Variants in TOR1AIP1 observed in about 807,000 individuals in gnomAD.
TOR1AIP1 encodes the protein torsin-1A-interacting protein 1.
Under a neutral mutation model 63.3 loss-of-function variants are expected in TOR1AIP1, and 54 were observed. The observed-to-expected ratio is 0.85, with a 90% CI of 0.69 to 1.07. TOR1AIP1 has a LOEUF of 1.07. Among genes scored for constraint, TOR1AIP1 ranks in the 50% least tolerant of loss-of-function variants. The pLI is 0.00. For missense variants in TOR1AIP1, 736 were observed against 715.0 expected (o/e 1.03, Z -0.33); for synonymous variants, 294 against 273.5 (o/e 1.07, Z -0.74).
intron 2 of TOR1AIP1, among the ~76,000 whole-genome samples, chr1:179,889,008 CTTAA>C (rs1359302052): frequency 6.6e-6 from 1 of 152,168 alleles, no homozygotes; most frequent in Non-Finnish European, 1.5e-5. Context: ...GATTTTGGTT[CTTAA>C]TTGAGCAATT....
At chr1:179,904,150 C>A in intron 6 of TOR1AIP1, 128 bp downstream of exon 6, 2 of 655,812 alleles carry the variant, frequency 3.0e-6, no homozygotes, top group Non-Finnish European at 5.0e-6. Flanking sequence ...TAAAAAAAAA[C>A]TTATCCGATA....
At chr1:179,883,708 C>G in intron 1 of TOR1AIP1, 1 of 456,228 alleles carries the variant, frequency 2.2e-6, no homozygotes, top group African/African-American at 2.0e-5. Flanking sequence ...ACCTGAAAAA[C>G]AAGACTATTA....
chr1:179,882,859 C>G lies in TOR1AIP1; in HGVS notation c.357C>G (p.Thr119=), dbSNP rs1366999572. Residue 119 remains threonine, a synonymous_variant, in exon 1 of 10, where the codon ACC becomes ACG. Coordinates refer to ENST00000606911, the MANE Select transcript of TOR1AIP1 (RefSeq NM_015602.4). ...RQRRQPRPQE[T]EEMKTRRTTR... is the part of the protein sequence containing the mutation. Reference sequence around the variant, plus strand: ...GGAGGCAGCCGCGACCCCAGGAAACCGAGGAAATGAAGACGCGAAGGACTA... The same window carrying G: ...GGAGGCAGCCGCGACCCCAGGAAACGGAGGAAATGAAGACGCGAAGGACTA... 2 of 1,614,214 alleles carry G rather than the reference C, an allele frequency of 1.2e-6. No individual in the cohort carries two copies. The highest frequency in any genetic ancestry group is 2.2e-5 in the South Asian group (2 of 91,084).
At chr1:179,912,132 C>G (rs995959798) in intron 8 of TOR1AIP1, among the ~76,000 whole-genome samples, 4 of 151,090 alleles carry the variant, frequency 2.6e-5, no homozygotes, top group African/African-American at 9.7e-5. Flanking sequence ...TCAAGCGATT[C>G]TCATTCATGC....
At chr1:179,915,708 A>G (rs1005234435) in intron 9 of TOR1AIP1, among the ~76,000 whole-genome samples, 1 of 152,200 alleles carries the variant, frequency 6.6e-6, no homozygotes, top group South Asian at 2.1e-4. Flanking sequence ...CAGTGAGCCA[A>G]GATCGCACCA....
chr1:179,882,603 C>A lies in TOR1AIP1; in HGVS notation c.101C>A (p.Pro34His), dbSNP rs771167764. The change falls in exon 1 of 10, where the codon CCT (proline) becomes CAT (histidine). Residue 34 changes from proline (P) to histidine (H), a missense_variant. By Grantham distance (77) the Pro-to-His change is moderately conservative. Transcript: ENST00000606911. Reference protein sequence around the residue: ...PIREGRGRLAPQNGGSSDAPA... With the variant: ...PIREGRGRLAHQNGGSSDAPA... ...CGAGAGGGAAGGGGCCGGCTCGCCC[C>A]TCAAAATGGCGGCAGCAGCGATGCG... is the stretch of plus-strand genomic sequence containing the variant. The A allele has an allele frequency of 9.8e-6, 15 of 1,528,286 alleles. No homozygotes were observed. The highest frequency in any genetic ancestry group is 1.8e-4 in the Middle Eastern group (1 of 5,560). The allele number at this position is 1,528,286 out of a possible 1,614,324, so 94.7% of individuals were successfully genotyped here.
At chr1:179,917,321 C>A in intron 9 of TOR1AIP1, 131 bp from the exon 10 acceptor site, 1 of 761,590 alleles carries the variant, frequency 1.3e-6, no homozygotes, top group Non-Finnish European at 2.1e-6. Flanking sequence ...AGAAAATTAT[C>A]AGCTTTCTTC....
At chr1:179,889,476 A>T in intron 3 of TOR1AIP1, 107 bp downstream of exon 3, 1 of 889,508 alleles carries the variant, frequency 1.1e-6, no homozygotes. Flanking sequence ...AGTTACTGTA[A>T]ATATACATTA....
At chr1:179,895,392 C>T (rs926821640) in intron 3 of TOR1AIP1, among the ~76,000 whole-genome samples, 3 of 152,054 alleles carry the variant, frequency 2.0e-5, no homozygotes, top group Non-Finnish European at 4.4e-5. Context: ...GCAGGTGGAT[C>T]GCTTGAACCC....
At chr1:179,896,460 A>G (rs1648270931) in intron 3 of TOR1AIP1, among the ~76,000 whole-genome samples, 1 of 110,710 alleles carries the variant, frequency 9.0e-6, no homozygotes, top group Non-Finnish European at 1.8e-5. Context: ...AAGTGCTAGG[A>G]TCATAAATAG....
At chr1:179,892,641 G>C (rs1178269631) in intron 3 of TOR1AIP1, among the ~76,000 whole-genome samples, 1 of 151,534 alleles carries the variant, frequency 6.6e-6, no homozygotes, top group Non-Finnish European at 1.5e-5. Flanking sequence ...GGGAGGCTGA[G>C]GCAGGAGAAT....
chr1:179,911,766 A>G (rs1268029608), intron 8 of TOR1AIP1, among the ~76,000 whole-genome samples: 2 of 152,178 alleles, frequency 1.3e-5, no homozygotes, highest in East Asian at 1.9e-4. Context: ...AGTAGTGCCT[A>G]TAACTAGATT....
chr1:179,911,732 C>G (rs1028868000), intron 8 of TOR1AIP1, among the ~76,000 whole-genome samples: 1 of 152,154 alleles, frequency 6.6e-6, no homozygotes, highest in Non-Finnish European at 1.5e-5. Context: ...CTTTGTGAAC[C>G]TCAATTTTCT....
chr1:179,912,064 G>A (rs1188883853), intron 8 of TOR1AIP1, among the ~76,000 whole-genome samples: 1 of 127,450 alleles, frequency 7.8e-6, no homozygotes, highest in Non-Finnish European at 1.6e-5. Context: ...TTGCTCTGTT[G>A]CCTAGGCTGG....
chr1:179,907,747 G>A, intron 6 of TOR1AIP1, 76 bp from the exon 7 acceptor site: 1 of 1,175,252 alleles, frequency 8.5e-7, no homozygotes. Flanking sequence ...CAGTAAACAA[G>A]CAAAATGTCT....
chr1:179,883,139 C>A, intron 1 of TOR1AIP1, 162 bp downstream of exon 1: 1 of 682,046 alleles, frequency 1.5e-6, no homozygotes, highest in Non-Finnish European at 2.5e-6. Context: ...GCAAGGGCCA[C>A]CCTGACCCGC....
chr1:179,919,801 T>C lies in TOR1AIP1; in HGVS notation c.*1562T>C, dbSNP rs1280982234. The C allele has an allele frequency of 6.6e-6, 1 of 152,230 alleles. No homozygotes were observed. Among genetic ancestry groups the C allele is most frequent in the Non-Finnish European group, 1.5e-5 (1 of 68,036 alleles). The allele number at this position is 152,230 out of a possible 1,614,324, so 9.4% of individuals were successfully genotyped here. On this transcript the variant is annotated 3_prime_UTR_variant, in exon 10 of 10. Coordinates refer to ENST00000606911, the MANE Select transcript of TOR1AIP1 (RefSeq NM_015602.4). Reference sequence around the variant, plus strand: ...CTCTAGTACTACCAGTATTCATAAATGTATACCCCTTACTGTAATTTGTTC... The same window carrying C: ...CTCTAGTACTACCAGTATTCATAAACGTATACCCCTTACTGTAATTTGTTC...
At chr1:179,903,511 CTTT>C (rs763903698) in intron 5 of TOR1AIP1, among the ~76,000 whole-genome samples, 1 of 141,686 alleles carries the variant, frequency 7.1e-6, no homozygotes, top group Admixed American at 7.1e-5. Context: ...CTTTTTTAAC[CTTT>C]TTTTTTTTTT....
chr1:179,882,532 G>A lies in TOR1AIP1; in HGVS notation c.30G>A (p.Ala10=), dbSNP rs376731014. The part of the protein sequence containing the change: MAGDGRRAE[A]VREGWGVYVT... ...CGGGCGACGGGCGGCGGGCAGAGGC[G>A]GTGCGGGAAGGATGGGGTGTGTACG... is the stretch of plus-strand genomic sequence containing the variant. The change falls in exon 1 of 10, where the codon GCG becomes GCA. Residue 10 remains alanine (A), a synonymous_variant. Coordinates refer to ENST00000606911, the MANE Select transcript of TOR1AIP1 (RefSeq NM_015602.4). The A allele has an allele frequency of 1.2e-5, 17 of 1,467,066 alleles. No individual in the cohort carries two copies. In the South Asian group the frequency reaches 2.2e-4, roughly 19 times the overall value. 90.9% of individuals were successfully genotyped at this position (1,467,066 alleles called of 1,614,324 possible). A position where few individuals can be genotyped will look rare whatever the true frequency, so the allele number is the denominator to read the frequency against.
Sources: gnomAD v4.1 joint callset for allele counts (sites outside exome capture counted in the v4.1 genomes callset) on GRCh38, gnomAD v4.1.1 for gene constraint, MANE v1.5 for transcripts, NCBI Gene and HGNC (gene_info 2026-07-23, HGNC 2026-07-21) for gene names.